ACTR3C: variants seen among roughly 807,000 people sequenced by gnomAD.
The protein encoded by ACTR3C is actin-related protein 3C.
A neutral mutation model predicts 26.3 loss-of-function variants in ACTR3C; 18 were observed. The ratio of observed to expected loss-of-function variants is 0.68; its 90% CI spans 0.47 to 1.01. The LOEUF (loss-of-function observed/expected upper bound fraction) is 1.01, where lower values mean the gene tolerates loss of function less well. Ranked by LOEUF, ACTR3C falls within the 50% of genes least tolerant of loss-of-function variation. The pLI, the probability that ACTR3C is intolerant of heterozygous loss-of-function variation, is 0.00. For synonymous variants in ACTR3C, 55 were observed against 94.5 expected, an observed-to-expected ratio of 0.58 and a Z score of 2.42; for missense variants, 184 against 250.7, an observed-to-expected ratio of 0.73 and a Z score of 1.80.
the ACTR3C span, among the ~76,000 whole-genome samples, chr7:150,048,796 TGGTGAGGAGG>T: frequency 6.6e-6 from 1 of 152,046 alleles, no homozygotes; most frequent in Non-Finnish European, 1.5e-5. Flanking sequence ...CGGACGACGC[TGGTGAGGAGG>T]CCGCCCTCCC....
At chr7:149,946,448 T>C in the ACTR3C span, among the ~76,000 whole-genome samples, 1 of 152,138 alleles carries the variant, frequency 6.6e-6, no homozygotes, top group Non-Finnish European at 1.5e-5. Context: ...TTTCAGTATA[T>C]CCTCCCAGAA....
At chr7:150,099,537 C>T in the ACTR3C span, among the ~76,000 whole-genome samples, 2 of 151,508 alleles carry the variant, frequency 1.3e-5, no homozygotes, top group South Asian at 2.1e-4. Flanking sequence ...ATCTATGGGA[C>T]ATCCGACCCT....
the ACTR3C span, among the ~76,000 whole-genome samples, chr7:149,894,626 A>G: frequency 0.012 from 1,878 of 152,312 alleles, 31 homozygotes; most frequent in African/African-American, 0.043. Context: ...GCCAACAGGT[A>G]TATGAAAAAA....
At chr7:150,119,080 C>G in the ACTR3C span, among the ~76,000 whole-genome samples, 7 of 152,062 alleles carry the variant, frequency 4.6e-5, no homozygotes, top group Non-Finnish European at 8.8e-5. Context: ...AAGAGCTCCT[C>G]AAGGAAGCAC....
chr7:150,199,735 A>AC, the ACTR3C span, among the ~76,000 whole-genome samples: 15 of 129,038 alleles, frequency 1.2e-4, no homozygotes, highest in East Asian at 1.9e-3. Flanking sequence ...CAAAAAAAAA[A>AC]AAAAAAAAAA....
rs747302513 is a variant in ACTR3C, at chr7:150,295,279, G to A, written c.18C>T (p.Asn6=). The A allele has an allele frequency of 1.1e-5, 18 of 1,613,876 alleles. No individual in the cohort carries two copies. The highest frequency in any genetic ancestry group is 4.0e-5 in the African/African-American group (3 of 74,928). ...GAACTGCAATGTAGAGTCCTGGAAC[G>A]TTAAATGATTCGAACATAATTTCTG... MFESF[N]VPGLYIAVQA... Residue 6 remains asparagine (N), a synonymous_variant, in exon 2 of 8, where the codon AAC becomes AAT. Transcript: ENST00000683684.
rs546828789 is a variant in ACTR3C at position 150,274,139 on chromosome 7, G to A, written c.564+10614C>T. 2.0e-5 allele frequency among the ~76,000 whole-genome samples: 3 copies of A among 152,170 alleles called. No individual in the cohort carries two copies. The highest frequency in any genetic ancestry group is 4.1e-4 in the South Asian group (2 of 4,820). ...ATGGAGAAAAAAATAAAGCAAGGCTGGGCAAAATGACGTGGGAAAAAGCGC... is the reference window on the plus strand; with the variant it reads ...ATGGAGAAAAAAATAAAGCAAGGCTAGGCAAAATGACGTGGGAAAAAGCGC... On this transcript the variant is annotated intron_variant, in intron 6 of 7. Transcript: ENST00000683684. The surrounding 1 kb of genome is among the most constrained non-coding windows in gnomAD (Gnocchi z 4.1).
intron 1 of ACTR3C, among the ~76,000 whole-genome samples, chr7:150,306,196 A>G (rs1225387303): frequency 6.6e-6 from 1 of 152,080 alleles, no homozygotes; most frequent in East Asian, 1.9e-4. Flanking sequence ...AAACCCCTCC[A>G]ATTCCATCCT....
the ACTR3C span, among the ~76,000 whole-genome samples, chr7:150,166,986 T>C: frequency 6.8e-6 from 1 of 148,116 alleles, no homozygotes; most frequent in Non-Finnish European, 1.5e-5. Flanking sequence ...CAGGATTTTA[T>C]TGTATTTTAT....
At chr7:150,114,697 A>G in the ACTR3C span, among the ~76,000 whole-genome samples, 2 of 152,270 alleles carry the variant, frequency 1.3e-5, no homozygotes, top group Non-Finnish European at 1.5e-5. Context: ...GATGTAGGTC[A>G]GACATCAGAA....
the ACTR3C span, among the ~76,000 whole-genome samples, chr7:150,183,983 T>A: frequency 2.7e-5 from 4 of 150,664 alleles, no homozygotes; most frequent in Admixed American, 2.6e-4. Context: ...GGAAGAGGTG[T>A]CTTCCGCCAT....
chr7:150,035,607 T>C, the ACTR3C span, among the ~76,000 whole-genome samples: 1 of 115,344 alleles, frequency 8.7e-6, no homozygotes, highest in Non-Finnish European at 1.8e-5. Flanking sequence ...CCACGTAAGG[T>C]ACCTGCCGTC....
At chr7:150,045,907 A>AT in the ACTR3C span, among the ~76,000 whole-genome samples, 1 of 152,046 alleles carries the variant, frequency 6.6e-6, no homozygotes, top group African/African-American at 2.4e-5. Flanking sequence ...TAAAAAGTAC[A>AT]TTTTTCCTGT....
the ACTR3C span, among the ~76,000 whole-genome samples, chr7:149,954,682 A>G: frequency 4.6e-5 from 7 of 152,330 alleles, no homozygotes; most frequent in African/African-American, 1.7e-4. Context: ...TAAAATCTCT[A>G]TCACTTATTT....
At chr7:150,042,374 A>C in the ACTR3C span, among the ~76,000 whole-genome samples, 62 of 123,772 alleles carry the variant, frequency 5.0e-4, 2 homozygotes, top group East Asian at 0.012. Context: ...TGGGGGTCCT[A>C]AGAGCAAAGG....
At chr7:150,166,409 G>A in the ACTR3C span, among the ~76,000 whole-genome samples, 7 of 150,868 alleles carry the variant, frequency 4.6e-5, no homozygotes, top group Middle Eastern at 3.4e-3. Context: ...ATAAAGTTTC[G>A]TTAACTGGGC....
the ACTR3C span, among the ~76,000 whole-genome samples, chr7:150,100,497 TTTAG>T: frequency 2.6e-5 from 4 of 151,706 alleles, no homozygotes; most frequent in African/African-American, 9.7e-5. Flanking sequence ...ATTTAGTTTC[TTTAG>T]TAATTTTCCA....
At chr7:150,077,033 T>C in the ACTR3C span, among the ~76,000 whole-genome samples, 2 of 151,908 alleles carry the variant, frequency 1.3e-5, no homozygotes, top group African/African-American at 4.8e-5. Context: ...AGCATGGTGG[T>C]AGGCACCTGT....
At chr7:150,220,878 C>T in the ACTR3C span, among the ~76,000 whole-genome samples, 1 of 152,304 alleles carries the variant, frequency 6.6e-6, no homozygotes, top group Non-Finnish European at 1.5e-5. Flanking sequence ...AGTGCGGACT[C>T]CGGCACCCCA....
Sources: gnomAD v4.1 joint callset for allele counts (sites outside exome capture counted in the v4.1 genomes callset) on GRCh38, gnomAD v4.1.1 for gene constraint, Gnocchi (gnomAD v3.1) non-coding constraint, MANE v1.5 for transcripts, NCBI Gene and HGNC (gene_info 2026-07-23, HGNC 2026-07-21) for gene names.